OTOF: variants seen among roughly 807,000 people sequenced by gnomAD.
The protein encoded by OTOF is otoferlin.
A neutral mutation model predicts 236.8 loss-of-function variants in OTOF; 218 were observed. That is an observed-to-expected ratio of 0.92 (90% CI 0.82 to 1.03). The LOEUF (loss-of-function observed/expected upper bound fraction) is 1.03. Ranked by LOEUF, OTOF falls within the 50% of genes least tolerant of loss-of-function variation. The pLI, the probability that OTOF is intolerant of heterozygous loss-of-function variation, is 0.00. For synonymous variants in OTOF, 1,041 were observed against 1,072.5 expected, an observed-to-expected ratio of 0.97 and a Z score of 0.57; for missense variants, 2,590 against 2,694.4, an observed-to-expected ratio of 0.96 and a Z score of 0.86.
At chr2:26,521,992 G>A (rs999276248) in intron 3 of OTOF, among the ~76,000 whole-genome samples, 6 of 152,214 alleles carry the variant, frequency 3.9e-5, no homozygotes, top group Non-Finnish European at 5.9e-5. Flanking sequence ...TACACAGGGC[G>A]AGTCTCCTTT....
chr2:26,538,238 C>T (rs1279871737), intron 1 of OTOF, among the ~76,000 whole-genome samples: 1 of 152,236 alleles, frequency 6.6e-6, no homozygotes, highest in East Asian at 1.9e-4. Context: ...CCTCCTTCTG[C>T]AGCCACCCCA....
intron 1 of OTOF, among the ~76,000 whole-genome samples, chr2:26,546,215 C>T (rs1006993127): frequency 6.6e-6 from 1 of 152,156 alleles, no homozygotes; most frequent in Non-Finnish European, 1.5e-5. Context: ...AATCCCAGCA[C>T]TTTAGGAGGC....
At chr2:26,476,834 G>T in intron 22 of OTOF, 57 bp downstream of exon 22, 2 of 1,534,628 alleles carry the variant, frequency 1.3e-6, no homozygotes, top group Non-Finnish European at 1.8e-6. Flanking sequence ...CCCCAGGTGG[G>T]GGCTGCTGCT....
At chr2:26,530,069 G>A (rs1572481821) in intron 2 of OTOF, among the ~76,000 whole-genome samples, 1 of 151,850 alleles carries the variant, frequency 6.6e-6, no homozygotes, top group Non-Finnish European at 1.5e-5. Flanking sequence ...TGGGAGTCGG[G>A]GGGCCGCAGG....
At chr2:26,519,640 G>A (rs922010436) in intron 3 of OTOF, among the ~76,000 whole-genome samples, 2 of 152,186 alleles carry the variant, frequency 1.3e-5, no homozygotes, top group African/African-American at 4.8e-5. Context: ...GGGGAGAGGC[G>A]GTGCAATGCT....
rs1194216371 is a variant in OTOF at position 26,461,795 on chromosome 2, CCTT to C, written c.5431_5433del (p.Lys1811del). On this transcript the variant is annotated inframe_deletion, in exon 43 of 47. Coordinates refer to ENST00000272371, the MANE Select transcript of OTOF (RefSeq NM_194248.3). This position sits in a 1 kb window ranked among gnomAD's most constrained non-coding sequence, Gnocchi z 6.2. ...GTCTCGTCCCAGGAGAACATGGACT[CCTT>C]CTTGGAGATGACGATCTTCTCCTCC... 4 of 1,614,166 alleles carry C rather than the reference CCTT, an allele frequency of 2.5e-6. No individual in the cohort carries two copies. Among genetic ancestry groups the C allele is most frequent in the Non-Finnish European group, 3.4e-6 (4 of 1,180,026 alleles).
intron 9 of OTOF, among the ~76,000 whole-genome samples, chr2:26,491,557 C>T (rs372510715): frequency 1.4e-4 from 22 of 152,272 alleles, no homozygotes; most frequent in African/African-American, 5.3e-4. Flanking sequence ...CAGAGTTGGG[C>T]TGTGCAATGC....
At chr2:26,529,133 A>T (rs573847257) in intron 2 of OTOF, among the ~76,000 whole-genome samples, 1 of 152,266 alleles carries the variant, frequency 6.6e-6, no homozygotes, top group South Asian at 2.1e-4. Context: ...AGCCACAAGC[A>T]TGAGGGAAGG....
chr2:26,512,059 G>A (rs1477356326), intron 5 of OTOF, among the ~76,000 whole-genome samples: 6 of 152,156 alleles, frequency 3.9e-5, no homozygotes, highest in Non-Finnish European at 8.8e-5. Flanking sequence ...GTGGAAGAAT[G>A]ATCAATAAGG....
chr2:26,557,852 G>A (rs143481079), intron 1 of OTOF, among the ~76,000 whole-genome samples: 3 of 151,734 alleles, frequency 2.0e-5, no homozygotes, highest in Admixed American at 6.6e-5. Context: ...CTTGGGGCTG[G>A]GGCTGGGTTG....
At chr2:26,527,969 G>A in intron 2 of OTOF, 49 bp from the exon 3 acceptor site, 1 of 1,349,288 alleles carries the variant, frequency 7.4e-7, no homozygotes, top group Non-Finnish European at 1.1e-6. Context: ...ACAGGTAGGA[G>A]CCGTGGGGTG....
chr2:26,474,672 G>T lies in OTOF; in HGVS notation c.3129C>A (p.Gly1043=). The T allele has an allele frequency of 6.2e-7, 1 of 1,613,222 alleles. No individual in the cohort carries two copies. Among genetic ancestry groups the T allele is most frequent in the Non-Finnish European group, 8.5e-7 (1 of 1,179,986 alleles). The part of the protein sequence containing the change: ...VIEIYDQDSM[G]KADFMGRTFA... ...AGGTCCGGCCCATGAAGTCAGCTTT[G>T]CCCTGACGCAACAGACAACCCAGAA... Residue 1043 remains glycine (G), a splice_region_variant and synonymous_variant, in exon 26 of 47, where the codon GGC becomes GGA. Transcript: ENST00000272371.
In OTOF at chr2:26,466,048, T is replaced by C. The variant is rs149261024; in HGVS notation, c.4529A>G (p.Asn1510Ser). ...RATDLHPADI[N>S]GKADPYIAIR... The stretch of plus-strand genomic sequence containing the variant: ...GGCGATGTAGGGGTCAGCTTTGCCG[T>C]TGATGTCAGCAGGGTGCAGGTCCGT... The change falls in exon 37 of 47, where the codon AAC becomes AGC. Residue 1510 changes from asparagine to serine, a missense_variant. Asn to Ser is a conservative substitution (Grantham distance 46). Transcript: ENST00000272371. The C allele has an allele frequency of 1.2e-6, 2 of 1,614,218 alleles. No homozygotes were observed. The highest frequency in any genetic ancestry group is 8.5e-7 in the Non-Finnish European group (1 of 1,180,044).
At chr2:26,468,375 G>A (rs1664830980) in intron 33 of OTOF, 33 bp downstream of exon 33, 2 of 1,563,594 alleles carry the variant, frequency 1.3e-6, no homozygotes, top group East Asian at 2.2e-5. Context: ...GGGGCGGGGA[G>A]GAGGAGGCAG....
chr2:26,475,803 T>C, intron 24 of OTOF, 111 bp downstream of exon 24: 1 of 1,397,858 alleles, frequency 7.2e-7, no homozygotes, highest in South Asian at 1.3e-5. Context: ...CTGGCTGACC[T>C]GTGGCTCCAG....
chr2:26,516,730 T>A, intron 4 of OTOF, 131 bp from the exon 5 acceptor site: 1 of 903,586 alleles, frequency 1.1e-6, no homozygotes, highest in Non-Finnish European at 1.8e-6. Flanking sequence ...CAGGATGGTA[T>A]GATCCCCTCT....
intron 11 of OTOF, 30 bp from the exon 12 acceptor site, chr2:26,484,663 A>C: frequency 6.2e-7 from 1 of 1,611,198 alleles, no homozygotes; most frequent in Non-Finnish European, 8.5e-7. Context: ...GCACTGCACC[A>C]GACACCCCCA....
At chr2:26,506,167 T>C (rs1666242345) in intron 5 of OTOF, among the ~76,000 whole-genome samples, 1 of 152,160 alleles carries the variant, frequency 6.6e-6, no homozygotes. Flanking sequence ...GTGGGCCTCC[T>C]CGTGGGTCAC....
chr2:26,462,277 G>T lies in OTOF; in HGVS notation c.5193-96C>A. 9.3e-7 allele frequency: 1 copy of T among 1,069,588 alleles called. No individual in the cohort carries two copies. 66.3% of individuals were successfully genotyped at this position (1,069,588 alleles called of 1,614,324 possible). On this transcript the variant is annotated intron_variant, in intron 41 of 46. Coordinates refer to ENST00000272371, the MANE Select transcript of OTOF (RefSeq NM_194248.3). The surrounding 1 kb of genome is among the most constrained non-coding windows in gnomAD (Gnocchi z 4.7). ...GGGGCAGGCGGAGAGAAGCCCTGGG[G>T]TCTTGGGGTCAGCACAGGGCCTGGG...
Sources: allele counts gnomAD v4.1 joint callset (sites outside exome capture counted in the v4.1 genomes callset), GRCh38; gene constraint gnomAD v4.1.1; non-coding constraint Gnocchi (gnomAD v3.1); transcripts MANE v1.5; gene names NCBI Gene and HGNC (gene_info 2026-07-23, HGNC 2026-07-21).